Variants in GIN1 observed in about 807,000 individuals in gnomAD.
GIN1 encodes the protein gypsy retrotransposon integrase 1.
In GIN1, 41 loss-of-function variants were observed where a neutral mutation model predicts 51.4. The ratio of observed to expected loss-of-function variants is 0.80; its 90% confidence interval spans 0.62 to 1.04. The LOEUF (loss-of-function observed/expected upper bound fraction) is 1.04. GIN1 is among the 50% of genes least tolerant of loss of function. The probability of loss-of-function intolerance (pLI) is 0.00; values close to 1 mark genes in which losing one functional copy is unlikely to be tolerated. For synonymous variants in GIN1, 222 were observed against 206.5 expected (o/e 1.07, Z -0.64); for missense variants, 610 against 612.4 (o/e 1.00, Z 0.04).
chr5:103,105,993 T>C (rs1554196238), intron 3 of GIN1, among the ~76,000 whole-genome samples: 2 of 152,166 alleles, frequency 1.3e-5, no homozygotes, highest in African/African-American at 2.4e-5. Flanking sequence ...AAATTATACT[T>C]ATGAAATTTT....
intron 3 of GIN1, 102 bp downstream of exon 3, chr5:103,106,614 C>T (rs890436708): frequency 1.7e-5 from 11 of 664,390 alleles, no homozygotes; most frequent in Middle Eastern, 3.4e-4. Context: ...GCCAAAAATA[C>T]TTAATGAGAG....
At position 103,089,249 on chromosome 5, in the gene GIN1, ATCT is replaced by A. The variant is rs1170626411; in HGVS notation, c.1295-1080_1295-1078del. Among the ~76,000 whole-genome samples, 3 of 152,142 alleles carry A rather than the reference ATCT, an allele frequency of 2.0e-5. No individual in the cohort carries two copies. The East Asian group carries it at 5.8e-4, about 29-fold the overall frequency. On this transcript the variant is annotated intron_variant, in intron 7 of 7. Coordinates refer to ENST00000399004, the MANE Select transcript of GIN1 (RefSeq NM_017676.2). ...AAAATGAATGTTAAACTGATGGCAAATCTTCTATACACAGACTAATATGTATAA... is the reference window on the plus strand; with the variant it reads ...AAAATGAATGTTAAACTGATGGCAAATCTATACACAGACTAATATGTATAA...
intron 1 of GIN1, among the ~76,000 whole-genome samples, chr5:103,113,027 G>A (rs1001566269): frequency 3.9e-5 from 6 of 151,978 alleles, no homozygotes; most frequent in Admixed American, 3.9e-4. Context: ...ACCTGGAAAA[G>A]GAGGAAAAGC....
rs1184878884 is a variant in GIN1, at chr5:103,087,521, T to C, written c.*377A>G. ...GTTGATTCAGTATTTATCAATTCCA[T>C]TCAAGGTAGTTCAAACTTACTGTTT... On this transcript the variant is annotated 3_prime_UTR_variant, in exon 8 of 8. Transcript: ENST00000399004. 2 of 155,326 alleles carry C rather than the reference T, an allele frequency of 1.3e-5. No individual in the cohort carries two copies. The highest frequency in any genetic ancestry group is 1.3e-4 in the Admixed American group (2 of 15,382). The allele number at this position is 155,326 out of a possible 1,614,324, so 9.6% of individuals were successfully genotyped here.
At chr5:103,088,884 T>C (rs1409184758) in intron 7 of GIN1, among the ~76,000 whole-genome samples, 1 of 152,228 alleles carries the variant, frequency 6.6e-6, no homozygotes, top group Admixed American at 6.5e-5. Flanking sequence ...GTCATATAAT[T>C]ATTTTAACAA....
intron 2 of GIN1, among the ~76,000 whole-genome samples, chr5:103,107,994 ATAAGGGGAAAAAG>A (rs1787773250): frequency 6.6e-6 from 1 of 152,000 alleles, no homozygotes; most frequent in Non-Finnish European, 1.5e-5. Context: ...CTTCCCCTTT[ATAAGGGGAAAAAG>A]AGGCAAAAAT....
At chr5:103,114,377 A>G (rs1317609514) in intron 1 of GIN1, among the ~76,000 whole-genome samples, 2 of 152,258 alleles carry the variant, frequency 1.3e-5, no homozygotes, top group Admixed American at 6.5e-5. Context: ...GGATAGATAC[A>G]TTATATAAGA....
chr5:103,114,718 C>T (rs574494175), intron 1 of GIN1, among the ~76,000 whole-genome samples: 1 of 152,224 alleles, frequency 6.6e-6, no homozygotes, highest in African/African-American at 2.4e-5. Context: ...TATGTGTCAA[C>T]CTTTATCATA....
intron 1 of GIN1, among the ~76,000 whole-genome samples, chr5:103,111,088 T>C (rs1787868924): frequency 6.6e-6 from 1 of 152,090 alleles, no homozygotes; most frequent in Non-Finnish European, 1.5e-5. Flanking sequence ...CATGAAGCCT[T>C]GTGTCGTTTC....
intron 1 of GIN1, among the ~76,000 whole-genome samples, chr5:103,110,723 A>G (rs569722327): frequency 6.6e-6 from 1 of 152,336 alleles, no homozygotes; most frequent in East Asian, 1.9e-4. Flanking sequence ...TGGCAATTCT[A>G]ATTTTATATT....
At position 103,108,684 on chromosome 5, in the gene GIN1, A is replaced by C. The variant is rs782190239; in HGVS notation, c.24T>G (p.Gly8=). 1.2e-6 allele frequency: 2 copies of C among 1,604,152 alleles called. No individual in the cohort carries two copies. Among genetic ancestry groups the C allele is most frequent in the South Asian group, 2.2e-5 (2 of 89,598 alleles). Residue 8 remains glycine, a synonymous_variant, in exon 2 of 8, where the codon GGT becomes GGG. Transcript: ENST00000399004. ...ATGCAATCTGTTTAAGATGAAGGTC[A>C]CCATTTTTTCCACTACGGACCATTG... MVRSGKN[G]DLHLKQIAYY...
chr5:103,100,315 G>C (rs1255115538), intron 4 of GIN1, among the ~76,000 whole-genome samples: 15 of 151,846 alleles, frequency 9.9e-5, no homozygotes, highest in African/African-American at 3.6e-4. Context: ...GCTTAGGCTA[G>C]TCTCGATCTC....
chr5:103,100,250 C>A (rs1583119665), intron 4 of GIN1, among the ~76,000 whole-genome samples: 2 of 151,762 alleles, frequency 1.3e-5, no homozygotes, highest in East Asian at 3.9e-4. Context: ...CAGGTGTGCC[C>A]TACCACTCCT....
At chr5:103,100,711 A>C (rs1173296971) in intron 4 of GIN1, among the ~76,000 whole-genome samples, 3 of 151,944 alleles carry the variant, frequency 2.0e-5, no homozygotes, top group Non-Finnish European at 4.4e-5. Flanking sequence ...CCTTTAGAAA[A>C]ATTTTCAAAG....
intron 4 of GIN1, among the ~76,000 whole-genome samples, chr5:103,103,313 GA>G (rs1287310333): frequency 3.3e-5 from 5 of 152,216 alleles, no homozygotes; most frequent in African/African-American, 1.2e-4. Context: ...GGAGATCTTG[GA>G]AACTTGTACC....
Position 103,106,750 on chromosome 5 carries a change from T to C in GIN1, c.299A>G (p.Tyr100Cys), listed in dbSNP as rs1329966992. The C allele has an allele frequency of 1.2e-6, 2 of 1,600,394 alleles. No homozygotes were observed. Among genetic ancestry groups the C allele is most frequent in the Admixed American group, 1.7e-5 (1 of 57,546 alleles). Residue 100 changes from tyrosine to cysteine, a missense_variant, in exon 3 of 8, where the codon TAT becomes TGT. Tyr to Cys is a radical substitution (Grantham distance 194). Coordinates refer to ENST00000399004, the MANE Select transcript of GIN1 (RefSeq NM_017676.2). ...RTLTLVESNY[Y>C]WTSVTNDVKQ... is the part of the protein sequence containing the mutation. Reference sequence around the variant, plus strand: ...GACATCATTGGTCACAGATGTCCAATAATAATTGGATTCTACCAGAGTGAG... The same window carrying C: ...GACATCATTGGTCACAGATGTCCAACAATAATTGGATTCTACCAGAGTGAG...
intron 7 of GIN1, among the ~76,000 whole-genome samples, chr5:103,093,961 A>G (rs1554194779): frequency 6.6e-6 from 1 of 152,226 alleles, no homozygotes; most frequent in East Asian, 1.9e-4. Context: ...GAAGTTGGCA[A>G]TAGAAGTATA....
chr5:103,087,929 G>A lies in GIN1; in HGVS notation c.1538C>T (p.Ser513Phe). ...LEKQTFSLLD[S>F]SNQVLEYLS Reference sequence around the variant, plus strand: ...TAAGTATTCAAGAACCTGGTTTGAAGAGTCCAACAGACTGAAAGTCTGCTT... The same window carrying A: ...TAAGTATTCAAGAACCTGGTTTGAAAAGTCCAACAGACTGAAAGTCTGCTT... The change falls in exon 8 of 8, where the codon TCT (serine) becomes TTT (phenylalanine). Residue 513 changes from serine to phenylalanine, a missense_variant. By Grantham distance (155) the Ser-to-Phe change is radical. Transcript: ENST00000399004. 1 of 1,564,504 alleles carries A rather than the reference G, an allele frequency of 6.4e-7. No homozygotes were observed. Among genetic ancestry groups the A allele is most frequent in the Non-Finnish European group, 8.7e-7 (1 of 1,144,456 alleles).
chr5:103,093,342 TAAG>T (rs1787307276), intron 7 of GIN1, among the ~76,000 whole-genome samples: 1 of 152,052 alleles, frequency 6.6e-6, no homozygotes, highest in African/African-American at 2.4e-5. Flanking sequence ...TAAGGTGATG[TAAG>T]AAGGACTCAA....
Sources: gnomAD v4.1 joint callset for allele counts (sites outside exome capture counted in the v4.1 genomes callset) on GRCh38, gnomAD v4.1.1 for gene constraint, MANE v1.5 for transcripts, NCBI Gene and HGNC (gene_info 2026-07-23, HGNC 2026-07-21) for gene names.